Variants in P2RX6 observed in about 807,000 individuals in gnomAD.
The protein encoded by P2RX6 is P2X purinoceptor 6.
P2RX6 carries 62 observed loss-of-function variants against 54.2 expected under a neutral mutation model. The ratio of observed to expected loss-of-function variants is 1.14; its 90% CI spans 0.93 to 1.41. P2RX6 has a LOEUF of 1.41. Among genes scored for constraint, P2RX6 ranks in the 40% most tolerant of loss-of-function variants. The pLI is 0.00. For synonymous variants in P2RX6, 211 were observed against 231.9 expected (o/e 0.91, Z 0.82); for missense variants, 541 against 566.3 (o/e 0.96, Z 0.45).
chr22:21,010,007 C>T (rs1185680694), intron 1 of P2RX6: 1 of 152,310 alleles, frequency 6.6e-6, no homozygotes, highest in African/African-American at 2.4e-5. Flanking sequence ...ATTCTTTCTT[C>T]CACACACCCC....
Position 21,022,725 on chromosome 22 carries a change from A to G in P2RX6, c.437A>G (p.Glu146Gly). ...ANCWVDEDCPEGEGGTHSHGV... is the reference protein window; with the variant it reads ...ANCWVDEDCPGGEGGTHSHGV... Reference sequence around the variant, plus strand: ...TGCTGGGTCGACGAGGACTGCCCCGAAGGGGAGGGAGGCACACACAGCCAC... The same window carrying G: ...TGCTGGGTCGACGAGGACTGCCCCGGAGGGGAGGGAGGCACACACAGCCAC... The change falls in exon 4 of 12, where the codon GAA becomes GGA. Residue 146 changes from glutamate (E) to glycine (G), a missense_variant. Physicochemically the swap from Glu to Gly is moderately conservative, Grantham distance 98. Coordinates refer to ENST00000413302, the MANE Select transcript of P2RX6 (RefSeq NM_005446.5). 6.3e-7 allele frequency: 1 copy of G among 1,578,544 alleles called. No individual in the cohort carries two copies.
intron 3 of P2RX6, 64 bp downstream of exon 3, chr22:21,018,124 C>T (rs560730274): frequency 9.5e-5 from 99 of 1,041,530 alleles, no homozygotes; most frequent in Middle Eastern, 4.0e-4. Context: ...GGGGGCCACC[C>T]GTGTTTCCCT....
At chr22:21,015,561 C>G (rs1400095954) in intron 1 of P2RX6, among the ~76,000 whole-genome samples, 3 of 152,064 alleles carry the variant, frequency 2.0e-5, no homozygotes, top group Non-Finnish European at 4.4e-5. Flanking sequence ...CCCAGGCCCC[C>G]ACCCAGGCCC....
At chr22:21,022,013 A>C (rs1046670149) in intron 3 of P2RX6, among the ~76,000 whole-genome samples, 2 of 152,178 alleles carry the variant, frequency 1.3e-5, no homozygotes, top group African/African-American at 4.8e-5. Flanking sequence ...TGTCATCCAA[A>C]TTGGACCAGA....
At chr22:21,011,184 C>T (rs1405043116), upstream of P2RX6, among the ~76,000 whole-genome samples, 6 of 149,164 alleles carry the variant, frequency 4.0e-5, no homozygotes, top group Non-Finnish European at 7.4e-5. Context: ...CATACAGCAG[C>T]GCGCAATGAG....
At chr22:21,015,880 C>T (rs1487642819) in intron 1 of P2RX6, 62 bp from the exon 2 acceptor site, 8 of 1,503,984 alleles carry the variant, frequency 5.3e-6, no homozygotes, top group African/African-American at 2.8e-5. Flanking sequence ...ATGTAGGGCT[C>T]AGCTCCGCCC....
intron 3 of P2RX6, among the ~76,000 whole-genome samples, chr22:21,020,695 G>A (rs767571400): frequency 8.6e-5 from 13 of 150,740 alleles, no homozygotes; most frequent in South Asian, 6.3e-4. Flanking sequence ...TGGTTCAAGC[G>A]ATTCTCCTGC....
rs1927613198 is a variant in P2RX6, at chr22:21,022,658, C to T, written c.388-18C>T. 2.0e-6 allele frequency: 3 copies of T among 1,504,608 alleles called. No homozygotes were observed. The highest frequency in any genetic ancestry group is 2.8e-5 in the African/African-American group (2 of 71,562). The allele number at this position is 1,504,608 out of a possible 1,614,324, so 93.2% of individuals were successfully genotyped here. A position where few individuals can be genotyped will look rare whatever the true frequency, so the allele number is the denominator to read the frequency against. On this transcript the variant is annotated intron_variant, in intron 3 of 11. Coordinates refer to ENST00000413302, the MANE Select transcript of P2RX6 (RefSeq NM_005446.5). ...ACATCCCCTGTGCCATTGGTGACTGCTCTCTCTCCCACCTCAGCACCCGTC... is the reference window on the plus strand; with the variant it reads ...ACATCCCCTGTGCCATTGGTGACTGTTCTCTCTCCCACCTCAGCACCCGTC...
chr22:21,026,707 G>A lies in P2RX6; in HGVS notation c.*90G>A. ...ATGAGGCCCCAGCATGGAGGATTGG[G>A]GGTAGAATTCCACCCTTGAACCCCA... On this transcript the variant is annotated 3_prime_UTR_variant, in exon 12 of 12. Coordinates refer to ENST00000413302, the MANE Select transcript of P2RX6 (RefSeq NM_005446.5). The surrounding 1 kb of genome is among the most constrained non-coding windows in gnomAD (Gnocchi z 4.0). 2.0e-6 allele frequency: 3 copies of A among 1,489,074 alleles called. No homozygotes were observed. Among genetic ancestry groups the A allele is most frequent in the Non-Finnish European group, 2.7e-6 (3 of 1,114,446 alleles). 92.2% of individuals were successfully genotyped at this position (1,489,074 alleles called of 1,614,324 possible).
At chr22:21,011,705 C>T (rs1323531092), upstream of P2RX6, 2 of 632,490 alleles carry the variant, frequency 3.2e-6, no homozygotes, top group African/African-American at 3.6e-5. Context: ...AAAGGACTTA[C>T]AGGTTAACTG....
upstream of P2RX6, chr22:21,013,934 G>A (rs911672473): frequency 6.6e-6 from 1 of 152,470 alleles, no homozygotes; most frequent in African/African-American, 2.4e-5. Flanking sequence ...GGAGAGGGCA[G>A]GGGGCTGGAG....
upstream of P2RX6, chr22:21,011,579 A>G (rs1300627561): frequency 1.4e-6 from 1 of 715,390 alleles, no homozygotes; most frequent in South Asian, 1.5e-5. Flanking sequence ...TGGTTCTCCA[A>G]CAGGTCCACA....
At chr22:21,016,210 G>A (rs1413645976) in intron 2 of P2RX6, 118 bp downstream of exon 2, 4 of 1,091,118 alleles carry the variant, frequency 3.7e-6, no homozygotes, top group East Asian at 5.2e-5. Flanking sequence ...GACGGCTGCG[G>A]GTTCTCAGGA....
intron 2 of P2RX6, among the ~76,000 whole-genome samples, chr22:21,017,564 T>C (rs1482513011): frequency 6.6e-6 from 1 of 152,140 alleles, no homozygotes; most frequent in East Asian, 1.9e-4. Flanking sequence ...AATATTCTGG[T>C]TGGAGCCAGG....
At chr22:21,018,487 A>C in intron 3 of P2RX6, 1 of 253,880 alleles carries the variant, frequency 3.9e-6, no homozygotes, top group Non-Finnish European at 7.8e-6. Flanking sequence ...CCAAGCTGGA[A>C]TATCACCTCC....
chr22:21,026,292 G>A lies in P2RX6; in HGVS notation c.1091G>A (p.Arg364Lys), dbSNP rs757557991. The A allele has an allele frequency of 5.6e-6, 9 of 1,607,136 alleles. No homozygotes were observed. The highest frequency in any genetic ancestry group is 2.2e-5 in the East Asian group (1 of 44,730). The change falls in exon 11 of 12, where the codon AGA (arginine) becomes AAA (lysine). Residue 364 changes from arginine to lysine, a missense_variant. Around this residue, in one of 2 missense-constraint regions of P2RX6, gnomAD observed 526 missense variants for 531.5 expected, o/e 0.99. Transcript: ENST00000413302. The surrounding 1 kb of genome is among the most constrained non-coding windows in gnomAD (Gnocchi z 4.0). ...GACCTGCTACTGCTGTATGTGGATA[G>A]AGAAGCCCATTTCTACTGGAGGACA... Reference protein sequence around the residue: ...FCDLLLLYVDREAHFYWRTKY... With the variant: ...FCDLLLLYVDKEAHFYWRTKY...
chr22:21,019,786 A>T (rs533823801), intron 3 of P2RX6, among the ~76,000 whole-genome samples: 1 of 152,388 alleles, frequency 6.6e-6, no homozygotes, highest in African/African-American at 2.4e-5. Flanking sequence ...GTTTCTATAG[A>T]TTATAGATTA....
intron 8 of P2RX6, among the ~76,000 whole-genome samples, chr22:21,025,275 G>A (rs1049966138): frequency 4.6e-5 from 7 of 152,090 alleles, no homozygotes; most frequent in Admixed American, 4.6e-4. Flanking sequence ...TCGTCATGCA[G>A]GCAGGCACAC....
chr22:21,023,003 T>A lies in P2RX6; in HGVS notation c.525T>A (p.Ser175Arg), dbSNP rs760791073. 4 of 1,613,308 alleles carry A rather than the reference T, an allele frequency of 2.5e-6. No individual in the cohort carries two copies. The South Asian group carries it at 4.4e-5, about 18-fold the overall frequency. ...NGTHRTCEIW[S>R]WCPVESGVVP... is the part of the protein sequence containing the mutation. The stretch of plus-strand genomic sequence containing the variant: ...CCCACAGGACCTGTGAGATCTGGAG[T>A]TGGTGCCCCGTGGAGAGTGGCGTTG... The change falls in exon 5 of 12, where the codon AGT becomes AGA. Residue 175 changes from serine (S) to arginine (R), a missense_variant. This residue lies in a region of P2RX6 where 526 missense variants were observed against 531.5 expected (regional missense o/e 0.99). Coordinates refer to ENST00000413302, the MANE Select transcript of P2RX6 (RefSeq NM_005446.5).
Sources: gnomAD v4.1 joint callset for allele counts (sites outside exome capture counted in the v4.1 genomes callset) on GRCh38, gnomAD v4.1.1 for gene constraint, gnomAD v4.1.1 regional missense constraint, Gnocchi (gnomAD v3.1) non-coding constraint, MANE v1.5 for transcripts, NCBI Gene and HGNC (gene_info 2026-07-23, HGNC 2026-07-21) for gene names.